ASAP1: variants seen among roughly 807,000 people sequenced by gnomAD.
ASAP1 encodes ArfGAP with SH3 domain, ankyrin repeat and PH domain 1.
A neutral mutation model predicts 145.2 loss-of-function variants in ASAP1; 43 were observed. That is an observed-to-expected ratio of 0.30 (90% CI 0.23 to 0.38). The LOEUF (loss-of-function observed/expected upper bound fraction) is 0.38. Among genes scored for constraint, ASAP1 ranks in the 10% least tolerant of loss-of-function variants. The pLI, the probability that ASAP1 is intolerant of heterozygous loss-of-function variation, is 1.00. For missense variants in ASAP1, 1,018 were observed against 1,355.3 expected (o/e 0.75, Z 3.91); for synonymous variants, 546 against 515.5 (o/e 1.06, Z -0.80).
chr8:130,209,330 C>G (rs1008238675), intron 5 of ASAP1, among the ~76,000 whole-genome samples: 1 of 152,158 alleles, frequency 6.6e-6, no homozygotes, highest in Non-Finnish European at 1.5e-5. Context: ...ATTTCTGACA[C>G]CAGTGGTTCT....
At chr8:130,242,817 T>C (rs1006711401) in intron 3 of ASAP1, among the ~76,000 whole-genome samples, 3 of 152,120 alleles carry the variant, frequency 2.0e-5, no homozygotes, top group African/African-American at 7.2e-5. Flanking sequence ...GAATTGTCAC[T>C]GTCTCCTCCT....
At chr8:130,279,402 C>T (rs996544161) in intron 3 of ASAP1, among the ~76,000 whole-genome samples, 5 of 152,264 alleles carry the variant, frequency 3.3e-5, no homozygotes, top group East Asian at 3.9e-4. Context: ...TGAGGACTGG[C>T]TCACAAACCG....
At chr8:130,182,831 C>CAAAAAAAAAAAAAAAAAAACAAAAAAAAG (rs1814453669) in intron 7 of ASAP1, among the ~76,000 whole-genome samples, 1 of 73,596 alleles carries the variant, frequency 1.4e-5, no homozygotes, top group East Asian at 3.5e-4. Context: ...TATAAAAAGG[C>CAAAAAAAAAAAAAAAAAAACAAAAAAAAG]AAAAAAAAAA....
Position 130,116,729 on chromosome 8 carries a change from T to C in ASAP1, c.2013A>G (p.Glu671=). 6.2e-7 allele frequency: 1 copy of C among 1,614,120 alleles called. No individual in the cohort carries two copies. Among genetic ancestry groups the C allele is most frequent in the Non-Finnish European group, 8.5e-7 (1 of 1,179,998 alleles). The change falls in exon 22 of 30, where the codon GAA becomes GAG. Residue 671 remains glutamate, a synonymous_variant. Coordinates refer to ENST00000518721, the MANE Select transcript of ASAP1 (RefSeq NM_018482.4). ...GTCTCTTTGCTATGTCTAGGGCAGT[T>C]TCTCCAGCCTGGTTAACTGAAATAG... ...PTVDIVNQAG[E]TALDIAKRLK... is the part of the protein sequence containing the mutation.
chr8:130,431,718 G>A (rs1830139781), intron 1 of ASAP1, among the ~76,000 whole-genome samples: 1 of 151,888 alleles, frequency 6.6e-6, no homozygotes, highest in African/African-American at 2.4e-5. Flanking sequence ...GACATGTCTG[G>A]CCCCCATTCA....
At chr8:130,344,625 A>C (rs758042601) in intron 3 of ASAP1, among the ~76,000 whole-genome samples, 1 of 152,238 alleles carries the variant, frequency 6.6e-6, no homozygotes, top group Non-Finnish European at 1.5e-5. Context: ...TAATCCCAAC[A>C]TTTTGGGAGG....
chr8:130,072,822 T>TGTGTGTGTGTGTGTGTGTGTGC (rs1554816353), intron 27 of ASAP1, among the ~76,000 whole-genome samples: 2 of 26,036 alleles, frequency 7.7e-5, no homozygotes, highest in African/African-American at 2.8e-4. Flanking sequence ...TGTGTGTGTG[T>TGTGTGTGTGTGTGTGTGTGTGC]GTGCGCGCGG....
intron 27 of ASAP1, among the ~76,000 whole-genome samples, chr8:130,066,710 C>T (rs1052030761): frequency 3.3e-5 from 5 of 152,018 alleles, no homozygotes; most frequent in Non-Finnish European, 5.9e-5. Context: ...TTTTACTTTG[C>T]CCTAACCTAA....
At chr8:130,205,204 A>G (rs1474247658) in intron 5 of ASAP1, among the ~76,000 whole-genome samples, 3 of 151,816 alleles carry the variant, frequency 2.0e-5, no homozygotes, top group African/African-American at 4.8e-5. Context: ...TAGAACCAAA[A>G]CTCTATACCA....
At chr8:130,175,543 T>A (rs6988276) in intron 9 of ASAP1, among the ~76,000 whole-genome samples, 34,078 of 152,098 alleles carry the variant, frequency 0.22, 4,057 homozygotes, top group South Asian at 0.37. Context: ...GAGTTTTTTT[T>A]ATATATTCTG....
At chr8:130,258,934 C>T (rs942823007) in intron 3 of ASAP1, among the ~76,000 whole-genome samples, 2 of 152,108 alleles carry the variant, frequency 1.3e-5, no homozygotes, top group African/African-American at 4.8e-5. Context: ...AATTTTGGGG[C>T]AAGTGGTAGG....
intron 3 of ASAP1, among the ~76,000 whole-genome samples, chr8:130,276,728 ACTCTCTCTCTCTCT>A (rs10678909): frequency 2.3e-5 from 2 of 87,272 alleles, no homozygotes; most frequent in East Asian, 4.9e-4. Flanking sequence ...ACACACACAC[ACTCTCTCTCTCTCT>A]CTCTCTCTCT....
rs755821023 is a variant in ASAP1 at position 130,112,164 on chromosome 8, G to A, written c.2331C>T (p.Ser777=). 6.2e-7 allele frequency: 1 copy of A among 1,614,014 alleles called. No individual in the cohort carries two copies. Among genetic ancestry groups the A allele is most frequent in the Admixed American group, 1.7e-5 (1 of 59,986 alleles). The stretch of plus-strand genomic sequence containing the variant: ...GTGATGTGGGCGAGTCTGTGCTTGT[G>A]GAAACGAAGATCTGGTTGGTGAAGG... ...YGAFTNQIFV[S]TSTDSPTSPT... is the part of the protein sequence containing the mutation. Residue 777 remains serine, a synonymous_variant, in exon 24 of 30, where the codon TCC becomes TCT. Coordinates refer to ENST00000518721, the MANE Select transcript of ASAP1 (RefSeq NM_018482.4).
chr8:130,178,837 C>A (rs1405485097), intron 9 of ASAP1, among the ~76,000 whole-genome samples: 1 of 151,462 alleles, frequency 6.6e-6, no homozygotes, highest in African/African-American at 2.4e-5. Flanking sequence ...TAGAGTGAGC[C>A]GAGACTGCAC....
chr8:130,160,007 T>C (rs1262114516), intron 11 of ASAP1, 43 bp from the exon 12 acceptor site: 1 of 1,510,564 alleles, frequency 6.6e-7, no homozygotes, highest in South Asian at 1.1e-5. Flanking sequence ...CTAGAGACAA[T>C]TCTCCCATCT....
At chr8:130,258,806 A>G (rs546502702) in intron 3 of ASAP1, among the ~76,000 whole-genome samples, 56 of 152,326 alleles carry the variant, frequency 3.7e-4, no homozygotes, top group African/African-American at 1.3e-3. Context: ...GGGTTCTTAC[A>G]GTAAATAGAT....
intron 5 of ASAP1, among the ~76,000 whole-genome samples, chr8:130,210,305 G>T (rs1025975129): frequency 6.6e-6 from 1 of 152,076 alleles, no homozygotes; most frequent in Non-Finnish European, 1.5e-5. Flanking sequence ...TGAGAAAATA[G>T]TTATTTTTCC....
rs146414712 is a variant in ASAP1 at position 130,424,602 on chromosome 8, G to A, written c.-28+18858C>T. On this transcript the variant is annotated intron_variant, in intron 1 of 29. Transcript: ENST00000518721. ...GCTGGAAACACTGCCCTTCTCAGCAGGTGATAAAAGGGACCAGGTGCATTC... is the reference window on the plus strand; with the variant it reads ...GCTGGAAACACTGCCCTTCTCAGCAAGTGATAAAAGGGACCAGGTGCATTC... 2.7e-3 allele frequency among the ~76,000 whole-genome samples: 417 copies of A among 152,278 alleles called. 1 individual carries two copies. Among genetic ancestry groups the A allele is most frequent in the African/African-American group, 9.5e-3 (395 of 41,550 alleles).
intron 4 of ASAP1, among the ~76,000 whole-genome samples, chr8:130,221,432 A>G (rs545922685): frequency 6.6e-6 from 1 of 152,306 alleles, no homozygotes; most frequent in Admixed American, 6.5e-5. Flanking sequence ...GTCAGTACCA[A>G]GATGAGTCTG....
Sources: gnomAD v4.1 joint callset for allele counts (sites outside exome capture counted in the v4.1 genomes callset) on GRCh38, gnomAD v4.1.1 for gene constraint, MANE v1.5 for transcripts, NCBI Gene and HGNC (gene_info 2026-07-23, HGNC 2026-07-21) for gene names.